The following PROM1 variants were observed in gnomAD, a reference collection of about 807,000 sequenced individuals.
The protein encoded by PROM1 is prominin 1.
PROM1 carries 105 observed loss-of-function variants against 116.9 expected under a neutral mutation model. That is an observed-to-expected ratio of 0.90 (90% CI 0.77 to 1.06). PROM1 has a LOEUF of 1.06. Ranked by LOEUF, PROM1 falls within the 50% of genes least tolerant of loss-of-function variation. PROM1 has a pLI of 0.00. For synonymous variants in PROM1, 393 were observed against 387.0 expected (o/e 1.02, Z -0.18); for missense variants, 1,122 against 1,045.2 (o/e 1.07, Z -1.01).
At chr4:15,978,513 G>T (rs1375842424) in intron 26 of PROM1, among the ~76,000 whole-genome samples, 1 of 152,220 alleles carries the variant, frequency 6.6e-6, no homozygotes, top group Non-Finnish European at 1.5e-5. Flanking sequence ...CTGGTGTGAA[G>T]CCAAAGCTGT....
chr4:15,988,219 G>A lies in PROM1; in HGVS notation c.2077-503C>T, dbSNP rs538597382. ...TGCCTCTGGTGTAAGAAAACCTGAA[G>A]AAAACATTGGATACATATCCTAAAG... is the stretch of plus-strand genomic sequence containing the variant. On this transcript the variant is annotated intron_variant, in intron 19 of 27. Coordinates refer to ENST00000447510, the MANE Select transcript of PROM1 (RefSeq NM_006017.3). Among the ~76,000 whole-genome samples, 46 of 152,242 alleles carry A rather than the reference G, an allele frequency of 3.0e-4. 1 individual carries two copies. The South Asian group carries it at 9.6e-3, about 32-fold the overall frequency.
intron 2 of PROM1, among the ~76,000 whole-genome samples, chr4:16,071,516 G>A (rs1742809161): frequency 6.6e-6 from 1 of 152,166 alleles, no homozygotes; most frequent in Non-Finnish European, 1.5e-5. Flanking sequence ...TTCTGGGAGA[G>A]GTAATTAGGT....
Position 16,076,065 on chromosome 4 carries a change from C to T in PROM1, c.-159G>A, listed in dbSNP as rs1743891538. ...TTTTCTGTCTGAGGCTGGCTTGAGG[C>T]GAGGGATGCGGAAGAATGTTCTCCA... On this transcript the variant is annotated 5_prime_UTR_variant, in exon 2 of 28. Transcript: ENST00000447510. 21 of 1,386,688 alleles carry T rather than the reference C, an allele frequency of 1.5e-5. No homozygotes were observed. The highest frequency in any genetic ancestry group is 5.7e-5 in the Admixed American group (2 of 34,820). 85.9% of individuals were successfully genotyped at this position (1,386,688 alleles called of 1,614,324 possible). A position where few individuals can be genotyped will look rare whatever the true frequency, so the allele number is the denominator to read the frequency against.
chr4:16,076,156 G>A lies in PROM1; in HGVS notation c.-212-38C>T, dbSNP rs975432366. The A allele has an allele frequency of 7.1e-5, 45 of 636,436 alleles. 1 individual carries two copies. The highest frequency in any genetic ancestry group is 1.2e-4 in the South Asian group (4 of 32,774). The allele number at this position is 636,436 out of a possible 1,614,324, so 39.4% of individuals were successfully genotyped here. A position where few individuals can be genotyped will look rare whatever the true frequency, so the allele number is the denominator to read the frequency against. On this transcript the variant is annotated intron_variant, in intron 1 of 27. Coordinates refer to ENST00000447510, the MANE Select transcript of PROM1 (RefSeq NM_006017.3). ...GAAACAGCAGCAGAGTCATCAATGC[G>A]TGTAAACTGCCTGCACCTGGAGCTG...
intron 2 of PROM1, among the ~76,000 whole-genome samples, chr4:16,064,897 AAAAAG>A (rs1167477944): frequency 6.6e-6 from 1 of 152,184 alleles, no homozygotes; most frequent in Non-Finnish European, 1.5e-5. Context: ...CCATCTCAAA[AAAAAG>A]AAAAGAAAAG....
At position 15,970,165 on chromosome 4, in the gene PROM1, TTTC is replaced by T. The variant is rs1465744652; in HGVS notation, c.*25-800_*25-798del. The stretch of plus-strand genomic sequence containing the variant: ...ACTCTAAAAAAACACTTTCTTTTCT[TTTC>T]TTTTTTTTTTTTTTTGTGATGGAGT... On this transcript the variant is annotated intron_variant, in intron 27 of 27. Transcript: ENST00000447510. 3.3e-4 allele frequency among the ~76,000 whole-genome samples: 50 copies of T among 151,366 alleles called. 1 individual carries two copies. Among genetic ancestry groups the T allele is most frequent in the African/African-American group, 1.2e-3 (48 of 41,178 alleles).
chr4:15,984,473 C>G, intron 22 of PROM1, 118 bp from the exon 23 acceptor site: 2 of 680,150 alleles, frequency 2.9e-6, no homozygotes, highest in Non-Finnish European at 4.7e-6. Context: ...TCCTCTAAGA[C>G]AGGGGTCCCC....
intron 22 of PROM1, among the ~76,000 whole-genome samples, chr4:15,985,342 T>C (rs915526763): frequency 2.0e-5 from 3 of 152,080 alleles, no homozygotes; most frequent in Non-Finnish European, 4.4e-5. Flanking sequence ...TGAGGGACAA[T>C]TGTATATATT....
At chr4:16,012,280 A>G (rs1727075271) in intron 11 of PROM1, among the ~76,000 whole-genome samples, 1 of 152,168 alleles carries the variant, frequency 6.6e-6, no homozygotes. Context: ...TGCAGGCGTG[A>G]GCCACTGCGC....
intron 26 of PROM1, among the ~76,000 whole-genome samples, chr4:15,974,429 T>C (rs951604617): frequency 2.6e-5 from 4 of 151,944 alleles, no homozygotes; most frequent in African/African-American, 4.8e-5. Flanking sequence ...AAGAAATAAA[T>C]AGAAATAAAA....
In PROM1 at chr4:15,979,842, C is replaced by G; in HGVS notation, c.2513+39G>C. On this transcript the variant is annotated intron_variant, in intron 25 of 27. Transcript: ENST00000447510. Reference sequence around the variant, plus strand: ...ATTACATAATAATATCAACCTCCCCCATCCCATCTAGGAATATAGTTTTTT... The same window carrying G: ...ATTACATAATAATATCAACCTCCCCGATCCCATCTAGGAATATAGTTTTTT... The G allele has an allele frequency of 1.4e-6, 2 of 1,428,718 alleles. 1 individual carries two copies. Among genetic ancestry groups the G allele is most frequent in the South Asian group, 2.5e-5 (2 of 78,680 alleles). The allele number at this position is 1,428,718 out of a possible 1,614,324, so 88.5% of individuals were successfully genotyped here.
At chr4:16,036,689 C>A (rs1456454047) in intron 3 of PROM1, among the ~76,000 whole-genome samples, 1 of 152,216 alleles carries the variant, frequency 6.6e-6, no homozygotes, top group Non-Finnish European at 1.5e-5. Context: ...TTCCCTGAGC[C>A]TCCCAAATAA....
chr4:15,991,130 G>T, intron 18 of PROM1, 92 bp downstream of exon 18: 1 of 1,014,038 alleles, frequency 9.9e-7, no homozygotes, highest in Non-Finnish European at 1.5e-6. Flanking sequence ...TACTCACAGT[G>T]TGAGGAACCT....
chr4:16,079,085 CT>C, intron 1 of PROM1, among the ~76,000 whole-genome samples: 1 of 65,936 alleles, frequency 1.5e-5, no homozygotes, highest in South Asian at 4.7e-4. Context: ...TACACTTTAT[CT>C]TGGTTTTTTT....
At chr4:16,017,937 A>T (rs1327336219) in intron 9 of PROM1, among the ~76,000 whole-genome samples, 2 of 152,206 alleles carry the variant, frequency 1.3e-5, no homozygotes, top group Non-Finnish European at 1.5e-5. Context: ...AATTCTTTTT[A>T]AAAAATCTTT....
chr4:15,993,920 A>G (rs1721669429), intron 16 of PROM1, 67 bp downstream of exon 16: 2 of 1,550,846 alleles, frequency 1.3e-6, no homozygotes, highest in Admixed American at 4.2e-5. Flanking sequence ...TTTCCAGAAA[A>G]GAAAGAAAGA....
chr4:16,051,539 G>A (rs960562282), intron 2 of PROM1, among the ~76,000 whole-genome samples: 12 of 152,202 alleles, frequency 7.9e-5, no homozygotes, highest in African/African-American at 1.4e-4. Context: ...CTCTGAGCAC[G>A]GAATGAGTTG....
At chr4:16,053,597 A>G (rs1247587580) in intron 2 of PROM1, among the ~76,000 whole-genome samples, 1 of 152,246 alleles carries the variant, frequency 6.6e-6, no homozygotes, top group Admixed American at 6.5e-5. Context: ...GATAGTCAAT[A>G]TTCTCTAGAA....
intron 9 of PROM1, among the ~76,000 whole-genome samples, chr4:16,017,899 AGAAC>A (rs1728799051): frequency 6.6e-6 from 1 of 152,220 alleles, no homozygotes; most frequent in Admixed American, 6.5e-5. Flanking sequence ...CCTATATCTC[AGAAC>A]TTCATGTAAT....
Sources: allele counts gnomAD v4.1 joint callset (sites outside exome capture counted in the v4.1 genomes callset), GRCh38; gene constraint gnomAD v4.1.1; transcripts MANE v1.5; gene names NCBI Gene and HGNC (gene_info 2026-07-23, HGNC 2026-07-21).